MIPEP: variants seen among roughly 807,000 people sequenced by gnomAD.
MIPEP encodes the protein mitochondrial intermediate peptidase.
A neutral mutation model predicts 90.3 loss-of-function variants in MIPEP; 79 were observed. The observed-to-expected ratio is 0.87, with a 90% CI of 0.73 to 1.05. The LOEUF (loss-of-function observed/expected upper bound fraction) is 1.05. Among genes scored for constraint, MIPEP ranks in the 50% least tolerant of loss-of-function variants. The probability of loss-of-function intolerance (pLI) is 0.00; values close to 1 mark genes in which losing one functional copy is unlikely to be tolerated. For missense variants in MIPEP, 940 were observed against 905.6 expected (o/e 1.04, Z -0.49); for synonymous variants, 334 against 315.8 (o/e 1.06, Z -0.61).
At chr13:23,817,679 T>C (rs141480758) in intron 14 of MIPEP, among the ~76,000 whole-genome samples, 1 of 152,170 alleles carries the variant, frequency 6.6e-6, no homozygotes. Context: ...CTGTGAGGCA[T>C]GCTGCAGGTG....
chr13:23,793,370 A>G (rs1952920439), intron 16 of MIPEP, among the ~76,000 whole-genome samples: 1 of 152,208 alleles, frequency 6.6e-6, no homozygotes, highest in South Asian at 2.1e-4. Flanking sequence ...AGGTCAAAAC[A>G]GGCAAAACTA....
At chr13:23,851,032 CCAGA>C (rs1263718132) in intron 10 of MIPEP, among the ~76,000 whole-genome samples, 1 of 152,194 alleles carries the variant, frequency 6.6e-6, no homozygotes, top group African/African-American at 2.4e-5. Context: ...AGGAAAGTGG[CCAGA>C]CAGCCATTTG....
intron 18 of MIPEP, among the ~76,000 whole-genome samples, chr13:23,749,079 G>C (rs1725153810): frequency 6.6e-6 from 1 of 152,168 alleles, no homozygotes; most frequent in Non-Finnish European, 1.5e-5. Context: ...TTTAAAACTA[G>C]AAGTATTAAC....
chr13:23,756,582 G>C lies in MIPEP; in HGVS notation c.2007C>G (p.Ala669=), dbSNP rs137904700. The C allele has an allele frequency of 6.8e-6, 11 of 1,613,720 alleles. No individual in the cohort carries two copies. The African/African-American group carries it at 1.3e-4, about 20-fold the overall frequency. ...AGERYRREML[A]HGGGREPMLM... ...GCATGGGCTCCCTGCCTCCACCGTG[G>C]GCCAGCATCTCCCTGCGATAGCGCT... is the stretch of plus-strand genomic sequence containing the variant. Residue 669 remains alanine (A), a synonymous_variant, in exon 18 of 19, where the codon GCC becomes GCG. Coordinates refer to ENST00000382172, the MANE Select transcript of MIPEP (RefSeq NM_005932.4).
intron 18 of MIPEP, among the ~76,000 whole-genome samples, chr13:23,747,824 T>G (rs2138499487): frequency 6.6e-6 from 1 of 152,334 alleles, no homozygotes; most frequent in Non-Finnish European, 1.5e-5. Context: ...CACCACAACC[T>G]CTGCCTCCCG....
chr13:23,886,382 A>C lies in MIPEP; in HGVS notation c.314T>G (p.Val105Gly), dbSNP rs761017864. 2.5e-6 allele frequency: 4 copies of C among 1,606,992 alleles called. No homozygotes were observed. The South Asian group carries it at 4.4e-5, about 18-fold the overall frequency. Reference protein sequence around the residue: ...ACSTPPGPQTVLIFDELSDSL... With the variant: ...ACSTPPGPQTGLIFDELSDSL... ...ATCCGAGAGCTCATCGAAGATCAGC[A>C]CGGTCTGGGGCCCAGGTGGGGTGGA... Residue 105 changes from valine to glycine, a missense_variant, in exon 2 of 19, where the codon GTG becomes GGG. Val to Gly is a moderately radical substitution (Grantham distance 109). Transcript: ENST00000382172.
intron 16 of MIPEP, among the ~76,000 whole-genome samples, chr13:23,782,275 C>A (rs1423535758): frequency 6.6e-6 from 1 of 152,190 alleles, no homozygotes; most frequent in Non-Finnish European, 1.5e-5. Context: ...ACAGTGCAAT[C>A]AAACTAGAAC....
At chr13:23,847,222 C>T (rs1469973695) in intron 10 of MIPEP, among the ~76,000 whole-genome samples, 1 of 152,132 alleles carries the variant, frequency 6.6e-6, no homozygotes, top group African/African-American at 2.4e-5. Context: ...AAAATGCTTT[C>T]AAGAGTGAGG....
chr13:23,875,458 C>CAA (rs1871030690), intron 4 of MIPEP, among the ~76,000 whole-genome samples: 1 of 151,202 alleles, frequency 6.6e-6, no homozygotes, highest in Non-Finnish European at 1.5e-5. Flanking sequence ...AGCTGAGTTT[C>CAA]TTGGCTAATG....
At chr13:23,740,797 G>C (rs1312820500) in intron 18 of MIPEP, among the ~76,000 whole-genome samples, 1 of 152,236 alleles carries the variant, frequency 6.6e-6, no homozygotes, top group African/African-American at 2.4e-5. Flanking sequence ...TGTCAGGTGT[G>C]GCAGGAGGTG....
intron 18 of MIPEP, among the ~76,000 whole-genome samples, chr13:23,737,781 C>T (rs553930550): frequency 3.9e-5 from 6 of 152,254 alleles, no homozygotes; most frequent in South Asian, 2.1e-4. Flanking sequence ...CTTGCAAAGA[C>T]GAAATCTCAT....
chr13:23,749,362 T>TA (rs1267999914), intron 18 of MIPEP, among the ~76,000 whole-genome samples: 2,864 of 151,948 alleles, frequency 0.019, 97 homozygotes, highest in African/African-American at 0.065. Context: ...TCAGGTTATT[T>TA]TAAAAAAAAG....
chr13:23,865,491 G>T (rs1926088), intron 7 of MIPEP, among the ~76,000 whole-genome samples: 143,105 of 152,300 alleles, frequency 0.94, 67,260 homozygotes, highest in East Asian at 1. Flanking sequence ...GGGGAACAAA[G>T]ACATTATTTA....
chr13:23,883,417 G>A (rs1871345747), intron 2 of MIPEP, among the ~76,000 whole-genome samples: 1 of 152,154 alleles, frequency 6.6e-6, no homozygotes, highest in African/African-American at 2.4e-5. Flanking sequence ...GCCACGCCAA[G>A]TCACCCCTCA....
At position 23,883,731 on chromosome 13, in the gene MIPEP, G is replaced by A. The variant is rs914267428; in HGVS notation, c.364-1944C>T. ...GTTGACTCCACAGATCCCCCAATCTGGAGGGTTGACGATACAGTGAAATTC... is the reference window on the plus strand; with the variant it reads ...GTTGACTCCACAGATCCCCCAATCTAGAGGGTTGACGATACAGTGAAATTC... On this transcript the variant is annotated intron_variant, in intron 2 of 18. Coordinates refer to ENST00000382172, the MANE Select transcript of MIPEP (RefSeq NM_005932.4). 2.6e-5 allele frequency among the ~76,000 whole-genome samples: 4 copies of A among 152,314 alleles called. No individual in the cohort carries two copies. The East Asian group carries it at 5.8e-4, about 22-fold the overall frequency.
intron 17 of MIPEP, among the ~76,000 whole-genome samples, chr13:23,759,341 A>AC (rs1191338807): frequency 6.6e-5 from 10 of 150,984 alleles, no homozygotes; most frequent in Middle Eastern, 6.8e-3. Context: ...CCAGCACAGG[A>AC]CCCCCACGCA....
intron 4 of MIPEP, among the ~76,000 whole-genome samples, chr13:23,876,786 A>C (rs902967219): frequency 2.6e-5 from 4 of 152,200 alleles, no homozygotes; most frequent in Admixed American, 6.5e-5. Flanking sequence ...ATGAGTTTGT[A>C]TCATGCCAAG....
At chr13:23,810,626 C>T (rs1953161268) in intron 14 of MIPEP, among the ~76,000 whole-genome samples, 1 of 152,156 alleles carries the variant, frequency 6.6e-6, no homozygotes, top group Non-Finnish European at 1.5e-5. Flanking sequence ...AAGAAAGATA[C>T]CGATTTACAA....
chr13:23,793,839 C>G (rs947572799), intron 16 of MIPEP, among the ~76,000 whole-genome samples: 1 of 151,798 alleles, frequency 6.6e-6, no homozygotes, highest in Non-Finnish European at 1.5e-5. Context: ...AAACAAGTGC[C>G]AAGACTCCAG....
Sources: gnomAD v4.1 joint callset for allele counts (sites outside exome capture counted in the v4.1 genomes callset) on GRCh38, gnomAD v4.1.1 for gene constraint, MANE v1.5 for transcripts, NCBI Gene and HGNC (gene_info 2026-07-23, HGNC 2026-07-21) for gene names.